Variants in TBX15 observed in about 807,000 individuals in gnomAD.
TBX15 encodes T-box transcription factor TBX15.
In TBX15, 18 loss-of-function variants were observed where a neutral mutation model predicts 53.9. That is an observed-to-expected ratio of 0.33 (90% CI 0.23 to 0.49). The LOEUF (loss-of-function observed/expected upper bound fraction) is 0.49, where lower values mean the gene tolerates loss of function less well. Ranked by LOEUF, TBX15 falls within the 20% of genes least tolerant of loss-of-function variation. The pLI is 0.98. For synonymous variants in TBX15, 295 were observed against 278.0 expected (o/e 1.06, Z -0.61); for missense variants, 692 against 749.5 (o/e 0.92, Z 0.90).
Position 118,884,323 on chromosome 1 carries a change from T to C in TBX15, c.*409A>G, listed in dbSNP as rs1003845622. 2 of 235,986 alleles carry C rather than the reference T, an allele frequency of 8.5e-6. No individual in the cohort carries two copies. Among genetic ancestry groups the C allele is most frequent in the South Asian group, 1.2e-4 (2 of 16,788 alleles). 14.6% of individuals were successfully genotyped at this position (235,986 alleles called of 1,614,324 possible). ...TATGATTGCATGTGTATGAATTGTG[T>C]ATGAATATGTATGTGTGTGTGCACG... On this transcript the variant is annotated 3_prime_UTR_variant, in exon 8 of 8. Transcript: ENST00000369429.
chr1:118,927,031 C>T (rs952745352), intron 2 of TBX15, among the ~76,000 whole-genome samples: 7 of 152,106 alleles, frequency 4.6e-5, no homozygotes, highest in African/African-American at 1.7e-4. Flanking sequence ...GCCTAAACAA[C>T]GTATTCTTAT....
chr1:118,964,465 T>C (rs1656976962), intron 1 of TBX15, among the ~76,000 whole-genome samples: 2 of 152,232 alleles, frequency 1.3e-5, no homozygotes, highest in South Asian at 4.1e-4. Flanking sequence ...TACCCATGTT[T>C]TCAGAGCTAA....
chr1:118,920,439 G>T (rs1655389572), intron 5 of TBX15, among the ~76,000 whole-genome samples: 1 of 152,186 alleles, frequency 6.6e-6, no homozygotes, highest in African/African-American at 2.4e-5. Flanking sequence ...ACAAAGGCAA[G>T]GATGCTGCAA....
rs1369760077 is a variant in TBX15, at chr1:118,883,371, G to A, written c.*1361C>T. On this transcript the variant is annotated 3_prime_UTR_variant, in exon 8 of 8. Transcript: ENST00000369429. Reference sequence around the variant, plus strand: ...TAAAAGATTTGAAGGGAAAGGGAAAGATGAAGGACAAAACCCAAAACTTCA... The same window carrying A: ...TAAAAGATTTGAAGGGAAAGGGAAAAATGAAGGACAAAACCCAAAACTTCA... 2.0e-5 allele frequency: 3 copies of A among 152,612 alleles called. No homozygotes were observed. Among genetic ancestry groups the A allele is most frequent in the Non-Finnish European group, 4.4e-5 (3 of 68,042 alleles). The allele number at this position is 152,612 out of a possible 1,614,324, so 9.5% of individuals were successfully genotyped here.
intron 7 of TBX15, among the ~76,000 whole-genome samples, chr1:118,895,305 C>A (rs1654385335): frequency 1.3e-5 from 2 of 152,180 alleles, no homozygotes; most frequent in African/African-American, 4.8e-5. Flanking sequence ...CCCCTCATGT[C>A]CACAGATGGA....
chr1:118,974,242 C>T (rs892122367), intron 1 of TBX15, among the ~76,000 whole-genome samples: 5 of 152,264 alleles, frequency 3.3e-5, no homozygotes, highest in Middle Eastern at 3.4e-3. Flanking sequence ...GCTGCAAGAG[C>T]GTATCAAATC....
chr1:118,928,186 A>T (rs1655663393), intron 2 of TBX15, among the ~76,000 whole-genome samples: 2 of 152,228 alleles, frequency 1.3e-5, no homozygotes, highest in African/African-American at 4.8e-5. Context: ...GGTCAGTGAC[A>T]TCATAATCAT....
intron 1 of TBX15, among the ~76,000 whole-genome samples, chr1:118,933,987 A>G (rs1655885277): frequency 6.6e-6 from 1 of 152,136 alleles, no homozygotes; most frequent in South Asian, 2.1e-4. Context: ...GAAAGGTATC[A>G]CTACACTAAG....
At chr1:118,901,606 A>C (rs1323192558) in intron 6 of TBX15, among the ~76,000 whole-genome samples, 5 of 152,184 alleles carry the variant, frequency 3.3e-5, no homozygotes, top group Non-Finnish European at 7.3e-5. Context: ...ATCCAAATAA[A>C]AGAACTGAGT....
intron 1 of TBX15, among the ~76,000 whole-genome samples, chr1:118,936,153 C>A (rs1655958939): frequency 6.6e-6 from 1 of 152,162 alleles, no homozygotes; most frequent in Non-Finnish European, 1.5e-5. Context: ...AGCACATGCA[C>A]ATTTAATTGG....
chr1:118,988,814 T>C (rs190461776), upstream of TBX15, among the ~76,000 whole-genome samples: 2 of 152,388 alleles, frequency 1.3e-5, no homozygotes, highest in East Asian at 3.9e-4. Context: ...CAGGTTTTAA[T>C]GTTCCTACTG....
Position 118,987,932 on chromosome 1 carries a change from G to T in TBX15, c.-137C>A, listed in dbSNP as rs932554782. ...GGACGAGGCTGAGACTGCGGCTCGC[G>T]GGTCTCTCCACCCTCCCCCTGCGTC... On this transcript the variant is annotated 5_prime_UTR_variant, in exon 1 of 8. Coordinates refer to ENST00000369429, the MANE Select transcript of TBX15 (RefSeq NM_001330677.2). 7.5e-5 allele frequency: 82 copies of T among 1,087,086 alleles called. No homozygotes were observed. The highest frequency in any genetic ancestry group is 3.1e-4 in the Middle Eastern group (1 of 3,276). The allele number at this position is 1,087,086 out of a possible 1,614,324, so 67.3% of individuals were successfully genotyped here.
Position 118,884,070 on chromosome 1 carries a change from T to A in TBX15, c.*662A>T, listed in dbSNP as rs1193838303. 6.5e-6 allele frequency: 1 copy of A among 153,340 alleles called. No homozygotes were observed. The highest frequency in any genetic ancestry group is 1.9e-4 in the East Asian group (1 of 5,204). 9.5% of individuals were successfully genotyped at this position (153,340 alleles called of 1,614,324 possible). A position where few individuals can be genotyped will look rare whatever the true frequency, so the allele number is the denominator to read the frequency against. The stretch of plus-strand genomic sequence containing the variant: ...GAGCCAAAGTTCAAAAGCAATCTTT[T>A]TCCGGAAGCCAAGTCCAGTTGTACT... On this transcript the variant is annotated 3_prime_UTR_variant, in exon 8 of 8. Transcript: ENST00000369429.
chr1:118,940,327 A>G (rs1449434409), intron 1 of TBX15, among the ~76,000 whole-genome samples: 5 of 151,928 alleles, frequency 3.3e-5, no homozygotes, highest in Non-Finnish European at 4.4e-5. Flanking sequence ...CTCTTTTGCT[A>G]TATTTCACTT....
chr1:118,982,229 G>T (rs1657675504), intron 1 of TBX15, among the ~76,000 whole-genome samples: 1 of 152,070 alleles, frequency 6.6e-6, no homozygotes, highest in Non-Finnish European at 1.5e-5. Flanking sequence ...AAAAAACAAA[G>T]AAAAAATTAT....
At chr1:118,941,961 G>T (rs1426690542) in intron 1 of TBX15, among the ~76,000 whole-genome samples, 1 of 152,154 alleles carries the variant, frequency 6.6e-6, no homozygotes, top group African/African-American at 2.4e-5. Flanking sequence ...AAACTTTTAT[G>T]AACTATTAAC....
intron 1 of TBX15, among the ~76,000 whole-genome samples, chr1:118,980,745 C>A (rs570217624): frequency 2.0e-5 from 3 of 152,132 alleles, no homozygotes; most frequent in South Asian, 4.1e-4. Context: ...AATTAAATGC[C>A]AAATTTAGTT....
intron 1 of TBX15, among the ~76,000 whole-genome samples, chr1:118,956,085 C>CTATG (rs1656680727): frequency 6.6e-6 from 1 of 152,148 alleles, no homozygotes; most frequent in Non-Finnish European, 1.5e-5. Context: ...AAGGTGCTAT[C>CTATG]TATGAATCAG....
chr1:118,899,710 A>T (rs551339111), intron 6 of TBX15, among the ~76,000 whole-genome samples: 10 of 152,200 alleles, frequency 6.6e-5, no homozygotes, highest in Non-Finnish European at 1.5e-4. Context: ...CTACCTGAAG[A>T]TAAAGAAAGG....
Sources: gnomAD v4.1 joint callset for allele counts (sites outside exome capture counted in the v4.1 genomes callset) on GRCh38, gnomAD v4.1.1 for gene constraint, MANE v1.5 for transcripts, NCBI Gene and HGNC (gene_info 2026-07-23, HGNC 2026-07-21) for gene names.